Variants in NF1 observed in about 807,000 individuals in gnomAD.
The protein encoded by NF1 is neurofibromin 1, also known as neurofibromin.
A neutral mutation model predicts 325.7 loss-of-function variants in NF1; 122 were observed. The observed-to-expected ratio is 0.37, with a 90% CI of 0.32 to 0.44. The LOEUF is 0.44. Ranked by LOEUF, NF1 falls within the 20% of genes least tolerant of loss-of-function variation. The pLI is 1.00. For missense variants in NF1, 2,140 were observed against 3,415.4 expected, an observed-to-expected ratio of 0.63 and a Z score of 9.31; for synonymous variants, 1,091 against 1,186.0, an observed-to-expected ratio of 0.92 and a Z score of 1.65.
chr17:31,199,194 A>G (rs1462306775), intron 8 of NF1, among the ~76,000 whole-genome samples: 2 of 151,598 alleles, frequency 1.3e-5, no homozygotes, highest in Non-Finnish European at 2.9e-5. Context: ...GAACTTTCTT[A>G]TTTTTTGATG....
chr17:31,191,500 G>T (rs2066341939), intron 8 of NF1, among the ~76,000 whole-genome samples: 1 of 152,104 alleles, frequency 6.6e-6, no homozygotes, highest in Non-Finnish European at 1.5e-5. Context: ...AAAATATTAT[G>T]CTAAGTGAAA....
rs568635096 is a variant in NF1 at position 31,263,774 on chromosome 17, A to T, written c.4725-1455A>T. On this transcript the variant is annotated intron_variant, in intron 35 of 57. Coordinates refer to ENST00000358273, the MANE Select transcript of NF1 (RefSeq NM_001042492.3). Reference sequence around the variant, plus strand: ...CTTGGAGACCCATTTTCTTTTTTTTAAAAAAAATGAAGGTAGCTTTATAAT... The same window carrying T: ...CTTGGAGACCCATTTTCTTTTTTTTTAAAAAAATGAAGGTAGCTTTATAAT... Among the ~76,000 whole-genome samples, 32 of 151,566 alleles carry T rather than the reference A, an allele frequency of 2.1e-4. No individual in the cohort carries two copies. The East Asian group carries it at 3.7e-3, about 17-fold the overall frequency.
intron 1 of NF1, among the ~76,000 whole-genome samples, chr17:31,154,800 C>T (rs1040620907): frequency 2.9e-5 from 4 of 140,030 alleles, no homozygotes; most frequent in South Asian, 2.2e-4. Flanking sequence ...AGTGCAGTGG[C>T]GTAATCTCGG....
In NF1 at chr17:31,338,789, A is replaced by G; in HGVS notation, c.6905A>G (p.Gln2302Arg). 6.2e-7 allele frequency: 1 copy of G among 1,609,368 alleles called. No individual in the cohort carries two copies. Among genetic ancestry groups the G allele is most frequent in the Non-Finnish European group, 8.5e-7 (1 of 1,175,800 alleles). ...ACAGTAATAGCACTAACCAAATTACAGCCACTTCTTAATAAGGTAATTACT... is the reference window on the plus strand; with the variant it reads ...ACAGTAATAGCACTAACCAAATTACGGCCACTTCTTAATAAGGTAATTACT... Reference protein sequence around the residue: ...EATVIALTKLQPLLNKDSPLH... With the variant: ...EATVIALTKLRPLLNKDSPLH... The change falls in exon 46 of 58, where the codon CAG becomes CGG. Residue 2302 changes from glutamine to arginine, a missense_variant. This residue lies in a region of NF1 where 522 missense variants were observed against 749.0 expected (regional missense o/e 0.70). Coordinates refer to ENST00000358273, the MANE Select transcript of NF1 (RefSeq NM_001042492.3).
chr17:31,318,168 C>T (rs899896125), intron 36 of NF1: 3 of 1,086,314 alleles, frequency 2.8e-6, no homozygotes, highest in Admixed American at 2.6e-5. Context: ...CTCCCTGTCT[C>T]ACCTGCTTGA....
chr17:31,312,382 G>A (rs2068899735), intron 36 of NF1, among the ~76,000 whole-genome samples: 1 of 151,862 alleles, frequency 6.6e-6, no homozygotes, highest in Admixed American at 6.6e-5. Flanking sequence ...GTGGTGGTGG[G>A]TGCCTGTAAT....
intron 54 of NF1, 157 bp downstream of exon 54, chr17:31,357,526 T>G (rs2070303995): frequency 1.5e-6 from 1 of 677,440 alleles, no homozygotes; most frequent in Non-Finnish European, 2.6e-6. Flanking sequence ...TAAGATTAGT[T>G]TTGACCTACT....
chr17:31,266,426 C>T (rs763348799), intron 36 of NF1, among the ~76,000 whole-genome samples: 6 of 152,116 alleles, frequency 3.9e-5, no homozygotes, highest in Non-Finnish European at 8.8e-5. Flanking sequence ...TTGAACCTCC[C>T]GCCACCCCCC....
chr17:31,201,092 T>C lies in NF1; in HGVS notation c.1118T>C (p.Val373Ala), dbSNP rs1597682016. 6.2e-7 allele frequency: 1 copy of C among 1,614,122 alleles called. No individual in the cohort carries two copies. Among genetic ancestry groups the C allele is most frequent in the Non-Finnish European group, 8.5e-7 (1 of 1,180,004 alleles). The stretch of plus-strand genomic sequence containing the variant: ...TCAAGAGGCAGTCAGCCTGCAGATG[T>C]GGATCTAATGATTGACTGCCTTGTT... ...PFSRGSQPAD[V>A]DLMIDCLVSC... The change falls in exon 10 of 58, where the codon GTG becomes GCG. Residue 373 changes from valine to alanine, a missense_variant. By Grantham distance (64) the Val-to-Ala change is moderately conservative. Around this residue, in one of 10 missense-constraint regions of NF1, gnomAD observed 179 missense variants for 381.0 expected, o/e 0.47. Transcript: ENST00000358273.
chr17:31,196,884 C>T (rs1455515092), intron 8 of NF1, among the ~76,000 whole-genome samples: 1 of 152,124 alleles, frequency 6.6e-6, no homozygotes, highest in Non-Finnish European at 1.5e-5. Flanking sequence ...TTCCATTGGT[C>T]TGTATGACTG....
chr17:31,223,815 T>C (rs1166627759), intron 16 of NF1, among the ~76,000 whole-genome samples: 1 of 152,124 alleles, frequency 6.6e-6, no homozygotes, highest in Non-Finnish European at 1.5e-5. Flanking sequence ...AATAGGTCTC[T>C]ATGGGGCAGG....
intron 31 of NF1, among the ~76,000 whole-genome samples, chr17:31,256,134 CTTTA>C (rs527772575): frequency 1.1e-4 from 17 of 151,772 alleles, no homozygotes; most frequent in African/African-American, 3.6e-4. Flanking sequence ...TTTTGTCTGC[CTTTA>C]TTTATTTATT....
At chr17:31,236,718 T>C (rs2067210556) in intron 29 of NF1, among the ~76,000 whole-genome samples, 1 of 151,824 alleles carries the variant, frequency 6.6e-6, no homozygotes, top group Admixed American at 6.6e-5. Flanking sequence ...CCAAAAATAC[T>C]GGGATTACAG....
chr17:31,122,031 A>G (rs1914484364), intron 1 of NF1, among the ~76,000 whole-genome samples: 1 of 152,236 alleles, frequency 6.6e-6, no homozygotes, highest in African/African-American at 2.4e-5. Context: ...TTTTAACTTT[A>G]TTCTGTGGGT....
At chr17:31,306,948 A>G (rs527698252) in intron 36 of NF1, among the ~76,000 whole-genome samples, 9 of 152,226 alleles carry the variant, frequency 5.9e-5, no homozygotes, top group African/African-American at 2.2e-4. Flanking sequence ...CCAGGAGTTC[A>G]AGAACAGCAT....
chr17:31,361,920 G>C (rs1164365745), intron 57 of NF1, among the ~76,000 whole-genome samples: 2 of 152,142 alleles, frequency 1.3e-5, no homozygotes, highest in Admixed American at 6.5e-5. Flanking sequence ...TTTGTCAGTC[G>C]CCTTACAAGT....
chr17:31,116,972 T>G (rs1373412307), intron 1 of NF1, among the ~76,000 whole-genome samples: 1 of 151,730 alleles, frequency 6.6e-6, no homozygotes, highest in Non-Finnish European at 1.5e-5. Flanking sequence ...CCACTGTGCC[T>G]GGCTCATTTT....
intron 16 of NF1, 35 bp from the exon 17 acceptor site, chr17:31,225,060 G>A (rs2144025132): frequency 6.2e-7 from 1 of 1,610,218 alleles, no homozygotes; most frequent in Non-Finnish European, 8.5e-7. Flanking sequence ...GGTTGTCAGT[G>A]CTTCAGTAAA....
intron 1 of NF1, among the ~76,000 whole-genome samples, chr17:31,151,862 T>C (rs1278547399): frequency 6.6e-6 from 1 of 152,232 alleles, no homozygotes; most frequent in Non-Finnish European, 1.5e-5. Context: ...TGGCTAGATA[T>C]AAAATCCTTG....
Sources: allele counts gnomAD v4.1 joint callset (sites outside exome capture counted in the v4.1 genomes callset), GRCh38; gene constraint gnomAD v4.1.1; regional missense constraint gnomAD v4.1.1; transcripts MANE v1.5; gene names NCBI Gene and HGNC (gene_info 2026-07-23, HGNC 2026-07-21).